CERS6: variants seen among roughly 807,000 people sequenced by gnomAD.
CERS6 encodes ceramide synthase 6, also known as LAG1 homolog, ceramide synthase 6.
CERS6 carries 26 observed loss-of-function variants against 56.8 expected under a neutral mutation model. The observed-to-expected ratio is 0.46, with a 90% CI of 0.34 to 0.63. The LOEUF (loss-of-function observed/expected upper bound fraction) is 0.63. Ranked by LOEUF, CERS6 falls within the 30% of genes least tolerant of loss-of-function variation. The pLI, the probability that CERS6 is intolerant of heterozygous loss-of-function variation, is 0.01. For missense variants in CERS6, 415 were observed against 467.5 expected (o/e 0.89, Z 1.04); for synonymous variants, 164 against 173.3 (o/e 0.95, Z 0.42).
intron 3 of CERS6, among the ~76,000 whole-genome samples, chr2:168,618,198 C>A (rs1038092570): frequency 6.6e-6 from 1 of 152,140 alleles, no homozygotes; most frequent in Non-Finnish European, 1.5e-5. Context: ...ATGTTTAAAA[C>A]CCTTAGCAAA....
At chr2:168,489,478 T>C (rs1482291795) in intron 1 of CERS6, among the ~76,000 whole-genome samples, 2 of 151,848 alleles carry the variant, frequency 1.3e-5, no homozygotes, top group Non-Finnish European at 2.9e-5. Context: ...CCAATTTTTT[T>C]TTTTTTTTTT....
chr2:168,640,817 G>C (rs1684971904), intron 4 of CERS6, among the ~76,000 whole-genome samples: 1 of 152,192 alleles, frequency 6.6e-6, no homozygotes, highest in African/African-American at 2.4e-5. Flanking sequence ...CATTCTAAAA[G>C]ATACCTGGTG....
At position 168,456,411 on chromosome 2, in the gene CERS6, G is replaced by A; in HGVS notation, c.-38G>A. 1 of 1,539,828 alleles carries A rather than the reference G, an allele frequency of 6.5e-7. No individual in the cohort carries two copies. Among genetic ancestry groups the A allele is most frequent in the Non-Finnish European group, 8.8e-7 (1 of 1,137,398 alleles). Reference sequence around the variant, plus strand: ...GCCCTGCGCGGTGGAGAGCTTGGCGGGCTGCGGGTGCCGCAGGACAGGAGT... The same window carrying A: ...GCCCTGCGCGGTGGAGAGCTTGGCGAGCTGCGGGTGCCGCAGGACAGGAGT... On this transcript the variant is annotated 5_prime_UTR_variant, in exon 1 of 10. Transcript: ENST00000305747. The surrounding 1 kb of genome is among the most constrained non-coding windows in gnomAD (Gnocchi z 4.1).
chr2:168,635,258 G>A (rs911510084), intron 4 of CERS6, among the ~76,000 whole-genome samples: 1 of 152,170 alleles, frequency 6.6e-6, no homozygotes, highest in African/African-American at 2.4e-5. Context: ...TCTGACAAGG[G>A]GACACTGACC....
Position 168,662,153 on chromosome 2 carries a change from A to G in CERS6, c.466-28881A>G, listed in dbSNP as rs192901023. Among the ~76,000 whole-genome samples, 1,366 of 141,602 alleles carry G rather than the reference A, an allele frequency of 9.6e-3. 26 individuals are homozygous for G. Among genetic ancestry groups the G allele is most frequent in the African/African-American group, 0.033 (1,242 of 37,554 alleles). 92.9% of individuals were successfully genotyped at this position (141,602 alleles called of 152,430 possible). A position where few individuals can be genotyped will look rare whatever the true frequency, so the allele number is the denominator to read the frequency against. On this transcript the variant is annotated intron_variant, in intron 4 of 9. Coordinates refer to ENST00000305747, the MANE Select transcript of CERS6 (RefSeq NM_203463.3). ...TTTTTTTTTTTTTTTCAAATTCTGT[A>G]CAATTTCCCATTCCTATAAACCTGG...
At chr2:168,483,202 G>C (rs932703841) in intron 1 of CERS6, among the ~76,000 whole-genome samples, 1 of 152,048 alleles carries the variant, frequency 6.6e-6, no homozygotes, top group African/African-American at 2.4e-5. Context: ...CTGTGAAGTA[G>C]GTACTATTTT....
At chr2:168,638,261 A>G (rs1399102206) in intron 4 of CERS6, among the ~76,000 whole-genome samples, 1 of 152,144 alleles carries the variant, frequency 6.6e-6, no homozygotes, top group Non-Finnish European at 1.5e-5. Flanking sequence ...AGTTGGTATC[A>G]TTCCACAGAA....
intron 6 of CERS6, among the ~76,000 whole-genome samples, chr2:168,709,603 G>A (rs1231618813): frequency 1.3e-5 from 2 of 152,154 alleles, no homozygotes; most frequent in Non-Finnish European, 2.9e-5. Flanking sequence ...AGTCTGTTAT[G>A]AATAAAGGCT....
At chr2:168,744,163 G>A (rs973340925) in intron 8 of CERS6, among the ~76,000 whole-genome samples, 3 of 151,060 alleles carry the variant, frequency 2.0e-5, no homozygotes, top group Non-Finnish European at 4.4e-5. Flanking sequence ...CCACCACCAC[G>A]CCCGGCTAAT....
chr2:168,456,667 CGCGCACACACTCGCGCGCTCTCTG>C lies in CERS6; in HGVS notation c.170+56_170+79del, dbSNP rs1693664294. On this transcript the variant is annotated intron_variant, in intron 1 of 9. Transcript: ENST00000305747. The surrounding 1 kb of genome is among the most constrained non-coding windows in gnomAD (Gnocchi z 4.1). Reference sequence around the variant, plus strand: ...TCCCCTCCCCCTGCGCACACACACGCGCGCACACACTCGCGCGCTCTCTGGCGCACGCCCCCGCGCCCCCAACGC... The same window carrying C: ...TCCCCTCCCCCTGCGCACACACACGCGCGCACGCCCCCGCGCCCCCAACGC... The C allele has an allele frequency of 6.4e-7, 1 of 1,567,912 alleles. No individual in the cohort carries two copies. The highest frequency in any genetic ancestry group is 8.7e-7 in the Non-Finnish European group (1 of 1,148,474).
intron 1 of CERS6, among the ~76,000 whole-genome samples, chr2:168,477,214 A>AGAGAGAGAGT (rs1694093165): frequency 7.3e-6 from 1 of 136,804 alleles, no homozygotes; most frequent in African/African-American, 3.0e-5. Flanking sequence ...AGAGAGAGAG[A>AGAGAGAGAGT]GAGAGTCTCA....
intron 8 of CERS6, among the ~76,000 whole-genome samples, chr2:168,754,387 G>A (rs1163651947): frequency 1.3e-5 from 2 of 152,122 alleles, no homozygotes; most frequent in African/African-American, 4.8e-5. Context: ...AATTTTTTCA[G>A]ATCACAGATG....
At chr2:168,538,962 GTT>G (rs1163359229) in intron 1 of CERS6, among the ~76,000 whole-genome samples, 4 of 4,818 alleles carry the variant, frequency 8.3e-4, no homozygotes, top group African/African-American at 8.8e-4. Flanking sequence ...GGAAAATATT[GTT>G]TTTTTTTTTT....
At chr2:168,761,234 C>T (rs1012936721) in intron 8 of CERS6, among the ~76,000 whole-genome samples, 1 of 152,042 alleles carries the variant, frequency 6.6e-6, no homozygotes, top group East Asian at 1.9e-4. Context: ...AAGAAAATCC[C>T]ATTACTTTTG....
At chr2:168,534,547 C>G (rs943401807) in intron 1 of CERS6, among the ~76,000 whole-genome samples, 53 of 151,976 alleles carry the variant, frequency 3.5e-4, no homozygotes, top group Non-Finnish European at 7.1e-4. Context: ...CTCGCTCCCG[C>G]GTCGGGAGAT....
intron 1 of CERS6, among the ~76,000 whole-genome samples, chr2:168,475,202 T>A: frequency 6.6e-6 from 1 of 152,064 alleles, no homozygotes; most frequent in Non-Finnish European, 1.5e-5. Context: ...TTTATGAAAA[T>A]GTTCAAATAT....
At chr2:168,677,251 T>C (rs1046423988) in intron 4 of CERS6, among the ~76,000 whole-genome samples, 1 of 152,026 alleles carries the variant, frequency 6.6e-6, no homozygotes, top group African/African-American at 2.4e-5. Flanking sequence ...CTCCCACTTA[T>C]GAGTGAGAAC....
At chr2:168,553,398 T>A (rs1369941550) in intron 2 of CERS6, among the ~76,000 whole-genome samples, 1 of 152,156 alleles carries the variant, frequency 6.6e-6, no homozygotes, top group Non-Finnish European at 1.5e-5. Context: ...CCCAGAAAGT[T>A]CAACACTAAA....
chr2:168,627,876 T>C (rs1267536963), intron 3 of CERS6, among the ~76,000 whole-genome samples: 6 of 152,132 alleles, frequency 3.9e-5, no homozygotes, highest in Non-Finnish European at 2.9e-5. Flanking sequence ...TCTGGCCTTA[T>C]GGGGGTGTTT....
Sources: allele counts gnomAD v4.1 joint callset (sites outside exome capture counted in the v4.1 genomes callset), GRCh38; gene constraint gnomAD v4.1.1; non-coding constraint Gnocchi (gnomAD v3.1); transcripts MANE v1.5; gene names NCBI Gene and HGNC (gene_info 2026-07-23, HGNC 2026-07-21).